The following RTKN2 variants were observed in gnomAD, a reference collection of about 807,000 sequenced individuals.
RTKN2 encodes rhotekin-2.
RTKN2 carries 69 observed loss-of-function variants against 71.5 expected under a neutral mutation model. The observed-to-expected ratio is 0.96, with a 90% confidence interval of 0.79 to 1.18. The LOEUF is 1.18. Ranked by LOEUF, RTKN2 falls within the 50% of genes most tolerant of loss-of-function variation. The pLI is 0.00. For missense variants in RTKN2, 724 were observed against 719.7 expected, an observed-to-expected ratio of 1.01 and a Z score of -0.07; for synonymous variants, 236 against 236.5, an observed-to-expected ratio of 1.00 and a Z score of 0.02.
chr10:62,184,193 C>A, exon 9 of RTKN2: 1 of 605,312 alleles, frequency 1.7e-6, no homozygotes, highest in Non-Finnish European at 2.9e-6. Context: ...TGTCAGGTGC[C>A]GTACTGGGTG....
At chr10:62,211,683 T>C (rs1841661712) in intron 9 of RTKN2, among the ~76,000 whole-genome samples, 1 of 152,126 alleles carries the variant, frequency 6.6e-6, no homozygotes, top group South Asian at 2.1e-4. Context: ...TTTCTTGAGA[T>C]GGAGTCTCAC....
At chr10:62,235,040 T>TA (rs1842226882) in intron 6 of RTKN2, among the ~76,000 whole-genome samples, 2 of 151,974 alleles carry the variant, frequency 1.3e-5, no homozygotes, top group South Asian at 2.1e-4. Flanking sequence ...GAAAAAAATG[T>TA]AAAAAAAGAC....
chr10:62,241,235 G>T lies in RTKN2; in HGVS notation c.317-40C>A. 2.2e-6 allele frequency: 3 copies of T among 1,342,430 alleles called. No homozygotes were observed. In the South Asian group the frequency reaches 3.7e-5, roughly 17 times the overall value. 83.2% of individuals were successfully genotyped at this position (1,342,430 alleles called of 1,614,324 possible). On this transcript the variant is annotated intron_variant, in intron 3 of 11. Coordinates refer to ENST00000373789, the MANE Select transcript of RTKN2 (RefSeq NM_145307.4). ...AAAAGAAATGACAAGTAATAATTTT[G>T]GTAAGTTTTATTCTTTACAGTGACC...
chr10:62,197,787 C>G lies in RTKN2; in HGVS notation c.*121G>C. 5 of 1,429,082 alleles carry G rather than the reference C, an allele frequency of 3.5e-6. No individual in the cohort carries two copies. The highest frequency in any genetic ancestry group is 4.6e-6 in the Non-Finnish European group (5 of 1,091,386). The allele number at this position is 1,429,082 out of a possible 1,614,324, so 88.5% of individuals were successfully genotyped here. A position where few individuals can be genotyped will look rare whatever the true frequency, so the allele number is the denominator to read the frequency against. On this transcript the variant is annotated 3_prime_UTR_variant, in exon 12 of 12. Coordinates refer to ENST00000373789, the MANE Select transcript of RTKN2 (RefSeq NM_145307.4). Reference sequence around the variant, plus strand: ...TAAAATGTTTTTCTATACCTAATAGCTTATTAATTATTGGTATAAATCACT... The same window carrying G: ...TAAAATGTTTTTCTATACCTAATAGGTTATTAATTATTGGTATAAATCACT...
At chr10:62,188,348 G>A (rs1267991008), downstream of RTKN2, among the ~76,000 whole-genome samples, 2 of 152,128 alleles carry the variant, frequency 1.3e-5, no homozygotes, top group African/African-American at 4.8e-5. Flanking sequence ...CCCTAAGTGA[G>A]TGATCCAAGA....
intron 2 of RTKN2, among the ~76,000 whole-genome samples, chr10:62,259,833 T>C (rs1378820977): frequency 1.3e-5 from 2 of 152,170 alleles, no homozygotes; most frequent in Non-Finnish European, 2.9e-5. Flanking sequence ...ATTACAGGTG[T>C]GAACCACTTC....
At chr10:62,216,458 A>C (rs1841771147) in intron 9 of RTKN2, among the ~76,000 whole-genome samples, 2 of 152,152 alleles carry the variant, frequency 1.3e-5, no homozygotes, top group South Asian at 4.1e-4. Context: ...TAACAGACAA[A>C]GCTAAATTTA....
chr10:62,221,467 C>T (rs76270908), intron 7 of RTKN2, among the ~76,000 whole-genome samples: 2,543 of 151,558 alleles, frequency 0.017, 64 homozygotes, highest in African/African-American at 0.057. Context: ...CTAAAAGCTT[C>T]GGTAAAAAAA....
intron 6 of RTKN2, among the ~76,000 whole-genome samples, chr10:62,228,993 T>C (rs908935175): frequency 6.6e-6 from 1 of 152,170 alleles, no homozygotes; most frequent in Admixed American, 6.5e-5. Context: ...AACAGTAGAA[T>C]TGCTCGGTCA....
At chr10:62,251,121 G>A (rs1031985457) in intron 2 of RTKN2, among the ~76,000 whole-genome samples, 1 of 152,052 alleles carries the variant, frequency 6.6e-6, no homozygotes, top group Non-Finnish European at 1.5e-5. Flanking sequence ...TGTGCTCAAG[G>A]TCCACAGTAG....
downstream of RTKN2, among the ~76,000 whole-genome samples, chr10:62,189,314 C>CA (rs907353042): frequency 2.0e-5 from 3 of 151,494 alleles, no homozygotes; most frequent in Non-Finnish European, 2.9e-5. Context: ...TTGTAGTGGG[C>CA]AAAAAAAATC....
Position 62,199,866 on chromosome 10 carries a change from G to C in RTKN2, c.1187-5C>G, listed in dbSNP as rs1370669735. ...CACAACAGTGCTTCCATTGGCCTAA[G>C]ACAGACAGAAAAAAGGTAGACTAGT... On this transcript the variant is annotated splice_region_variant and splice_polypyrimidine_tract_variant and intron_variant, in intron 10 of 11. Transcript: ENST00000373789. 1.3e-6 allele frequency: 2 copies of C among 1,580,852 alleles called. No homozygotes were observed. Among genetic ancestry groups the C allele is most frequent in the Admixed American group, 3.4e-5 (2 of 58,336 alleles).
chr10:62,236,024 A>G, intron 6 of RTKN2, 42 bp downstream of exon 6: 1 of 1,304,926 alleles, frequency 7.7e-7, no homozygotes, highest in Non-Finnish European at 1.1e-6. Context: ...AATATCACAA[A>G]TGTATAATTA....
chr10:62,225,785 T>C (rs1001505058), intron 6 of RTKN2, among the ~76,000 whole-genome samples: 19 of 101,810 alleles, frequency 1.9e-4, no homozygotes, highest in African/African-American at 7.6e-4. Flanking sequence ...TTTTCTTTTC[T>C]TTTTTTTTTT....
intron 9 of RTKN2, among the ~76,000 whole-genome samples, chr10:62,216,910 A>G (rs1181245094): frequency 1.3e-5 from 2 of 152,128 alleles, no homozygotes; most frequent in Admixed American, 6.5e-5. Context: ...ATAGATGTCC[A>G]TTACTATGTT....
At chr10:62,242,696 C>T (rs565791512) in intron 3 of RTKN2, among the ~76,000 whole-genome samples, 26 of 151,996 alleles carry the variant, frequency 1.7e-4, no homozygotes, top group African/African-American at 5.8e-4. Context: ...CTGCAACCTC[C>T]ATCCTCCCCT....
intron 9 of RTKN2, among the ~76,000 whole-genome samples, chr10:62,208,806 A>G (rs1422586884): frequency 6.6e-6 from 1 of 152,200 alleles, no homozygotes; most frequent in African/African-American, 2.4e-5. Flanking sequence ...AAATACTACC[A>G]GTTTGTAATC....
chr10:62,243,207 C>G (rs974048218), intron 3 of RTKN2, among the ~76,000 whole-genome samples: 1 of 140,932 alleles, frequency 7.1e-6, no homozygotes, highest in African/African-American at 2.7e-5. Context: ...TTGCTCAATT[C>G]CCACCTATGA....
chr10:62,250,436 CAA>C (rs891848632), intron 2 of RTKN2, among the ~76,000 whole-genome samples: 7 of 152,104 alleles, frequency 4.6e-5, no homozygotes, highest in African/African-American at 1.7e-4. Context: ...ACCAGCATCC[CAA>C]AAGACATCAT....
Sources: gnomAD v4.1 joint callset for allele counts (sites outside exome capture counted in the v4.1 genomes callset) on GRCh38, gnomAD v4.1.1 for gene constraint, MANE v1.5 for transcripts, NCBI Gene and HGNC (gene_info 2026-07-23, HGNC 2026-07-21) for gene names.